Variants in PRKACB observed in about 807,000 individuals in gnomAD.
PRKACB encodes the protein cAMP-dependent protein kinase catalytic subunit beta.
PRKACB carries 16 observed loss-of-function variants against 51.4 expected under a neutral mutation model. The ratio of observed to expected loss-of-function variants is 0.31; its 90% CI spans 0.21 to 0.47. PRKACB has a LOEUF of 0.47. Among genes scored for constraint, PRKACB ranks in the 20% least tolerant of loss-of-function variants. The pLI, the probability that PRKACB is intolerant of heterozygous loss-of-function variation, is 1.00. For synonymous variants in PRKACB, 147 were observed against 154.4 expected (o/e 0.95, Z 0.35); for missense variants, 309 against 464.5 (o/e 0.67, Z 3.08).
rs573453248 is a variant in PRKACB at position 84,085,865 on chromosome 1, T to G, written c.46+7494T>G. ...ACCCCACAGTGCAGTCCTGGTGGCC[T>G]GGCTGTAACACCCAACTCAGCCCAG... is the stretch of plus-strand genomic sequence containing the variant. On this transcript the variant is annotated intron_variant, in intron 1 of 8. Transcript: ENST00000370688. 18 of 573,926 alleles carry G rather than the reference T, an allele frequency of 3.1e-5. No homozygotes were observed. In the South Asian group the frequency reaches 4.5e-4, roughly 14 times the overall value. 35.6% of individuals were successfully genotyped at this position (573,926 alleles called of 1,614,324 possible).
intron 8 of PRKACB, among the ~76,000 whole-genome samples, chr1:84,210,324 A>C (rs142333083): frequency 1.3e-5 from 2 of 152,332 alleles, no homozygotes; most frequent in African/African-American, 4.8e-5. Context: ...TATGTTGTAC[A>C]AACACCTCTT....
chr1:84,085,991 G>A (rs947700884), intron 1 of PRKACB: 8 of 732,348 alleles, frequency 1.1e-5, no homozygotes, highest in East Asian at 7.4e-5. Context: ...GGATTTCCAC[G>A]CACAGTGGTG....
intron 1 of PRKACB, among the ~76,000 whole-genome samples, chr1:84,153,952 T>G (rs1161860093): frequency 1.3e-5 from 2 of 152,168 alleles, no homozygotes; most frequent in Non-Finnish European, 2.9e-5. Flanking sequence ...TCATATCATT[T>G]TCCATAATGG....
intron 8 of PRKACB, among the ~76,000 whole-genome samples, chr1:84,208,618 A>C (rs1272457363): frequency 1.3e-5 from 2 of 152,240 alleles, no homozygotes; most frequent in Non-Finnish European, 2.9e-5. Flanking sequence ...TGTAAAAATA[A>C]TGATAGATAT....
At chr1:84,197,338 T>C (rs1260770852) in intron 6 of PRKACB, among the ~76,000 whole-genome samples, 1 of 152,164 alleles carries the variant, frequency 6.6e-6, no homozygotes, top group African/African-American at 2.4e-5. Context: ...CATTGACGTT[T>C]TTACACTTCT....
chr1:84,202,799 T>A lies in PRKACB; in HGVS notation c.900T>A (p.Ser300=), dbSNP rs1267743174. The part of the protein sequence containing the change: ...QPIQIYEKIV[S]GKVRFPSHFS... ...TTCAGATTTATGAAAAGATTGTTTC[T>A]GGAAAGGTAAGTAAAACATTTTATT... The change falls in exon 8 of 10, where the codon TCT becomes TCA. Residue 300 remains serine (S), a synonymous_variant. Coordinates refer to ENST00000370685, the MANE Select transcript of PRKACB (RefSeq NM_182948.4). 6.2e-7 allele frequency: 1 copy of A among 1,603,248 alleles called. No individual in the cohort carries two copies. Among genetic ancestry groups the A allele is most frequent in the Non-Finnish European group, 8.5e-7 (1 of 1,172,082 alleles).
intron 5 of PRKACB, among the ~76,000 whole-genome samples, chr1:84,191,577 A>G (rs1432252310): frequency 6.6e-6 from 1 of 152,186 alleles, no homozygotes; most frequent in African/African-American, 2.4e-5. Context: ...TAACACAGGA[A>G]CAAAAATCCA....
intron 9 of PRKACB, among the ~76,000 whole-genome samples, chr1:84,226,594 G>T (rs948996935): frequency 2.6e-5 from 4 of 152,068 alleles, no homozygotes; most frequent in Non-Finnish European, 5.9e-5. Flanking sequence ...ACTAAATTCT[G>T]TTATTGATTT....
At chr1:84,220,992 T>A (rs1044287509) in intron 9 of PRKACB, among the ~76,000 whole-genome samples, 3 of 152,172 alleles carry the variant, frequency 2.0e-5, no homozygotes, top group Non-Finnish European at 2.9e-5. Context: ...CTTTAATTTT[T>A]TGGAATAGTT....
chr1:84,144,834 C>G (rs893721288), intron 1 of PRKACB, among the ~76,000 whole-genome samples: 8 of 151,572 alleles, frequency 5.3e-5, no homozygotes, highest in African/African-American at 1.9e-4. Flanking sequence ...TTTTGTTGTT[C>G]TTACATAAAA....
In PRKACB at chr1:84,165,121, A is replaced by C. The variant is rs574820377; in HGVS notation, c.188-14056A>C. The C allele has an allele frequency of 4.9e-4, 454 of 933,812 alleles. 2 individuals are homozygous for C. Among genetic ancestry groups the C allele is most frequent in the Middle Eastern group, 1.0e-3 (3 of 2,966 alleles). The allele number at this position is 933,812 out of a possible 1,614,324, so 57.8% of individuals were successfully genotyped here. On this transcript the variant is annotated intron_variant, in intron 1 of 9. Transcript: ENST00000370685. ...TATAAAGCCACAGCTACTGTGAATTATATTTTGTGGTGACGCTTTTGTACT... is the reference window on the plus strand; with the variant it reads ...TATAAAGCCACAGCTACTGTGAATTCTATTTTGTGGTGACGCTTTTGTACT...
intron 5 of PRKACB, among the ~76,000 whole-genome samples, chr1:84,189,853 A>C (rs566740514): frequency 6.6e-6 from 1 of 152,136 alleles, no homozygotes; most frequent in South Asian, 2.1e-4. Flanking sequence ...TTGTTTAAAT[A>C]TAGAGAGCAA....
intron 7 of PRKACB, among the ~76,000 whole-genome samples, chr1:84,201,181 A>AT (rs1172534026): frequency 6.6e-6 from 1 of 152,142 alleles, no homozygotes; most frequent in Non-Finnish European, 1.5e-5. Flanking sequence ...CCATTAGTGT[A>AT]TTATAGTGCC....
At chr1:84,204,232 A>G (rs1195781979) in intron 8 of PRKACB, among the ~76,000 whole-genome samples, 6 of 151,188 alleles carry the variant, frequency 4.0e-5, no homozygotes, top group African/African-American at 1.2e-4. Flanking sequence ...TTTATTTATT[A>G]TCAGTATTCA....
At chr1:84,167,065 A>C (rs1657735598) in intron 1 of PRKACB, among the ~76,000 whole-genome samples, 1 of 151,510 alleles carries the variant, frequency 6.6e-6, no homozygotes, top group Non-Finnish European at 1.5e-5. Flanking sequence ...CTCAGTCATT[A>C]AGTTCTATTG....
At chr1:84,195,652 CCT>C (rs1668006587) in intron 5 of PRKACB, among the ~76,000 whole-genome samples, 1 of 152,054 alleles carries the variant, frequency 6.6e-6, no homozygotes, top group Admixed American at 6.6e-5. Flanking sequence ...GTGGCTGACT[CCT>C]GTAATCCCAG....
At chr1:84,174,189 G>A (rs1466600095) in intron 1 of PRKACB, among the ~76,000 whole-genome samples, 4 of 151,726 alleles carry the variant, frequency 2.6e-5, no homozygotes, top group Non-Finnish European at 5.9e-5. Flanking sequence ...ACATGTCCCC[G>A]ATGCTGCAGT....
chr1:84,153,965 G>T (rs1179806270), intron 1 of PRKACB, among the ~76,000 whole-genome samples: 1 of 152,052 alleles, frequency 6.6e-6, no homozygotes, highest in Non-Finnish European at 1.5e-5. Context: ...CATAATGGCT[G>T]TACTAATGTA....
intron 1 of PRKACB, among the ~76,000 whole-genome samples, chr1:84,137,038 G>C (rs991827383): frequency 3.9e-5 from 6 of 152,058 alleles, no homozygotes; most frequent in African/African-American, 1.2e-4. Flanking sequence ...GCCACCTTGT[G>C]AAGAAGGTGC....
Sources: gnomAD v4.1 joint callset for allele counts (sites outside exome capture counted in the v4.1 genomes callset) on GRCh38, gnomAD v4.1.1 for gene constraint, MANE v1.5 for transcripts, NCBI Gene and HGNC (gene_info 2026-07-23, HGNC 2026-07-21) for gene names.